Variants in ASIC2 observed in about 807,000 individuals in gnomAD.
ASIC2 encodes acid-sensing ion channel 2.
In ASIC2, 25 loss-of-function variants were observed where a neutral mutation model predicts 57.3. The observed-to-expected ratio is 0.44, with a 90% CI of 0.32 to 0.61. The LOEUF is 0.61. Among genes scored for constraint, ASIC2 ranks in the 20% least tolerant of loss-of-function variants. The probability of loss-of-function intolerance (pLI) is 0.06; values close to 1 mark genes in which losing one functional copy is unlikely to be tolerated. For missense variants in ASIC2, 641 were observed against 738.1 expected (o/e 0.87, Z 1.52); for synonymous variants, 319 against 307.5 (o/e 1.04, Z -0.39).
chr17:33,511,396 T>C (rs562876725), intron 1 of ASIC2, among the ~76,000 whole-genome samples: 50 of 152,278 alleles, frequency 3.3e-4, no homozygotes, highest in Admixed American at 7.8e-4. Context: ...ACTCAGCATG[T>C]CCCATCTAGA....
At chr17:33,340,659 T>C (rs1001187372) in intron 1 of ASIC2, among the ~76,000 whole-genome samples, 1 of 152,034 alleles carries the variant, frequency 6.6e-6, no homozygotes, top group African/African-American at 2.4e-5. Flanking sequence ...AGTGTATCAG[T>C]GGTTTAGGGA....
At chr17:33,579,432 C>T (rs939619573) in intron 1 of ASIC2, among the ~76,000 whole-genome samples, 1 of 152,074 alleles carries the variant, frequency 6.6e-6, no homozygotes, top group Non-Finnish European at 1.5e-5. Flanking sequence ...GAGATATAGA[C>T]TAGGGCTGCG....
At chr17:33,875,526 T>C (rs1914524710) in intron 1 of ASIC2, among the ~76,000 whole-genome samples, 1 of 152,162 alleles carries the variant, frequency 6.6e-6, no homozygotes. Context: ...CGGTCATATA[T>C]GGGATTTTGT....
intron 1 of ASIC2, among the ~76,000 whole-genome samples, chr17:33,564,825 G>A (rs550006485): frequency 1.2e-3 from 121 of 103,550 alleles, no homozygotes; most frequent in Non-Finnish European, 1.6e-3. Flanking sequence ...ATGGAAAACT[G>A]CTTAAATGCA....
At chr17:34,015,100 G>A (rs1057186549) in intron 1 of ASIC2, among the ~76,000 whole-genome samples, 3 of 147,504 alleles carry the variant, frequency 2.0e-5, no homozygotes, top group African/African-American at 7.5e-5. Context: ...GTAGATACGG[G>A]GCTTTGTTAC....
intron 1 of ASIC2, among the ~76,000 whole-genome samples, chr17:33,393,147 A>G (rs1188496323): frequency 1.3e-5 from 2 of 152,144 alleles, no homozygotes; most frequent in Non-Finnish European, 2.9e-5. Context: ...ATTTATTTGT[A>G]CACATTGCTT....
intron 1 of ASIC2, among the ~76,000 whole-genome samples, chr17:33,449,222 T>C (rs1277129121): frequency 6.6e-6 from 1 of 152,174 alleles, no homozygotes; most frequent in African/African-American, 2.4e-5. Flanking sequence ...GAGGAAGAGA[T>C]TGATGGCTTC....
At chr17:33,635,361 G>A (rs1906323486) in intron 1 of ASIC2, among the ~76,000 whole-genome samples, 1 of 152,224 alleles carries the variant, frequency 6.6e-6, no homozygotes, top group African/African-American at 2.4e-5. Flanking sequence ...AGAAACAGAA[G>A]TTTAGGTTAG....
chr17:33,204,710 CAT>C (rs1491554752), intron 1 of ASIC2, among the ~76,000 whole-genome samples: 6 of 152,242 alleles, frequency 3.9e-5, no homozygotes, highest in Non-Finnish European at 7.3e-5. Flanking sequence ...AATTCTAGCA[CAT>C]GTGTGTGTGC....
intron 1 of ASIC2, among the ~76,000 whole-genome samples, chr17:33,118,013 G>A (rs1003407578): frequency 3.9e-5 from 6 of 152,194 alleles, no homozygotes; most frequent in African/African-American, 7.2e-5. Flanking sequence ...GCTGCTGGAA[G>A]CCCAGGGTAG....
rs1910156691 is a variant in ASIC2, at chr17:33,398,389, AC to A, written c.556-286323del. On this transcript the variant is annotated intron_variant, in intron 1 of 9. Transcript: ENST00000359872. ...CCTGGATAAAGGGAGGAGATAACTT[AC>A]AAAATTTCAAGCCCATGACTTTTGG... Among the ~76,000 whole-genome samples, 3 of 152,348 alleles carry A rather than the reference AC, an allele frequency of 2.0e-5. No individual in the cohort carries two copies. In the South Asian group the frequency reaches 6.2e-4, roughly 32 times the overall value.
At chr17:33,982,109 G>A (rs1262710728) in intron 1 of ASIC2, among the ~76,000 whole-genome samples, 1 of 152,210 alleles carries the variant, frequency 6.6e-6, no homozygotes, top group Admixed American at 6.5e-5. Flanking sequence ...GGAGCAGACT[G>A]GGCCTGCTTT....
intron 1 of ASIC2, among the ~76,000 whole-genome samples, chr17:34,116,906 C>T (rs1191304943): frequency 6.6e-6 from 1 of 151,782 alleles, no homozygotes; most frequent in Non-Finnish European, 1.5e-5. Flanking sequence ...GGGTGTGTAC[C>T]AAGTGTATGC....
chr17:33,761,530 T>C (rs1910777866), intron 1 of ASIC2, among the ~76,000 whole-genome samples: 2 of 151,994 alleles, frequency 1.3e-5, no homozygotes, highest in Admixed American at 1.3e-4. Context: ...AATATTCCAG[T>C]CCCAAATGGA....
At chr17:33,427,247 G>A (rs1195501699) in intron 1 of ASIC2, among the ~76,000 whole-genome samples, 1 of 152,044 alleles carries the variant, frequency 6.6e-6, no homozygotes, top group Non-Finnish European at 1.5e-5. Context: ...AATAAGAGAT[G>A]GAAAAACAAC....
At chr17:34,026,521 G>C (rs1567792429) in intron 1 of ASIC2, among the ~76,000 whole-genome samples, 1 of 152,212 alleles carries the variant, frequency 6.6e-6, no homozygotes, top group East Asian at 1.9e-4. Flanking sequence ...AGCTGAAAAG[G>C]TTTCCAAAAA....
intron 1 of ASIC2, among the ~76,000 whole-genome samples, chr17:33,308,571 A>G (rs538580338): frequency 2.1e-4 from 32 of 152,340 alleles, no homozygotes; most frequent in Non-Finnish European, 4.0e-4. Context: ...AGTGCGTGGA[A>G]TACTGTAGGT....
chr17:34,076,534 A>G (rs573565131), intron 1 of ASIC2, among the ~76,000 whole-genome samples: 1 of 152,206 alleles, frequency 6.6e-6, no homozygotes, highest in East Asian at 1.9e-4. Flanking sequence ...TCCTGAAAAA[A>G]GTATATCCCA....
intron 1 of ASIC2, among the ~76,000 whole-genome samples, chr17:33,413,406 C>T (rs1360197871): frequency 3.9e-5 from 6 of 152,162 alleles, no homozygotes; most frequent in African/African-American, 9.7e-5. Context: ...CAACTTGGTC[C>T]GATTGCAGCC....
Sources: allele counts gnomAD v4.1 joint callset (sites outside exome capture counted in the v4.1 genomes callset), GRCh38; gene constraint gnomAD v4.1.1; transcripts MANE v1.5; gene names NCBI Gene and HGNC (gene_info 2026-07-23, HGNC 2026-07-21).